Variants in AGBL1 observed in about 807,000 individuals in gnomAD.
AGBL1 encodes the protein AGBL carboxypeptidase 1, also known as cytosolic carboxypeptidase 4.
AGBL1 carries 130 observed loss-of-function variants against 118.9 expected under a neutral mutation model. The observed-to-expected ratio is 1.09, with a 90% CI of 0.95 to 1.26. AGBL1 has a LOEUF of 1.26. Ranked by LOEUF, AGBL1 falls within the 50% of genes most tolerant of loss-of-function variation. The pLI is 0.00. For missense variants in AGBL1, 1,584 were observed against 1,298.1 expected (o/e 1.22, Z -3.38); for synonymous variants, 555 against 478.9 (o/e 1.16, Z -2.08).
At chr15:86,539,729 T>C (rs748313442) in intron 19 of AGBL1, among the ~76,000 whole-genome samples, 41 of 152,230 alleles carry the variant, frequency 2.7e-4, no homozygotes, top group Non-Finnish European at 5.6e-4. Flanking sequence ...GTAAGGTTCA[T>C]CTTATGTATA....
At chr15:86,446,595 G>C (rs990148609) in intron 18 of AGBL1, among the ~76,000 whole-genome samples, 3 of 152,042 alleles carry the variant, frequency 2.0e-5, no homozygotes, top group Non-Finnish European at 4.4e-5. Flanking sequence ...CATTTATATC[G>C]AATCTCTCTT....
chr15:86,670,475 GT>G (rs1364388494), intron 21 of AGBL1, among the ~76,000 whole-genome samples: 2 of 151,556 alleles, frequency 1.3e-5, no homozygotes, highest in African/African-American at 4.9e-5. Flanking sequence ...GTGGTGGCAG[GT>G]ATCTGTAATC....
chr15:86,425,265 CTT>C (rs1050082061), intron 18 of AGBL1, among the ~76,000 whole-genome samples: 1 of 152,064 alleles, frequency 6.6e-6, no homozygotes, highest in Non-Finnish European at 1.5e-5. Context: ...TGGAAACCAT[CTT>C]TCTCAGCAAA....
chr15:86,846,824 A>C (rs1013686183), intron 22 of AGBL1, among the ~76,000 whole-genome samples: 1 of 152,110 alleles, frequency 6.6e-6, no homozygotes, highest in Non-Finnish European at 1.5e-5. Context: ...GAGCCACCAC[A>C]CCCAGCCAAA....
intron 19 of AGBL1, among the ~76,000 whole-genome samples, chr15:86,534,089 G>T (rs865856692): frequency 9.0e-5 from 10 of 111,346 alleles, no homozygotes; most frequent in Admixed American, 6.1e-4. Context: ...ATGTGCACAT[G>T]TACCCTAAAA....
At chr15:86,357,605 T>C (rs1567215634) in intron 17 of AGBL1, among the ~76,000 whole-genome samples, 1 of 152,156 alleles carries the variant, frequency 6.6e-6, no homozygotes, top group South Asian at 2.1e-4. Flanking sequence ...AGTCCTCTCT[T>C]TTTCATTTCC....
intron 1 of AGBL1, among the ~76,000 whole-genome samples, chr15:86,103,645 C>T (rs1432693615): frequency 6.6e-6 from 1 of 152,142 alleles, no homozygotes; most frequent in African/African-American, 2.4e-5. Flanking sequence ...GTGATTTTCT[C>T]AGTGACTTAG....
intron 21 of AGBL1, among the ~76,000 whole-genome samples, chr15:86,555,746 AT>A (rs1343652408): frequency 1.3e-5 from 2 of 151,918 alleles, no homozygotes; most frequent in South Asian, 2.1e-4. Context: ...CTAGGAACCT[AT>A]TTTTTTTCAT....
intron 1 of AGBL1, among the ~76,000 whole-genome samples, chr15:86,140,448 C>T (rs1429083298): frequency 6.6e-6 from 1 of 151,990 alleles, no homozygotes; most frequent in Non-Finnish European, 1.5e-5. Flanking sequence ...CAGTTTGGTT[C>T]CATTCAACAA....
intron 22 of AGBL1, among the ~76,000 whole-genome samples, chr15:86,707,432 T>A (rs2086471654): frequency 6.6e-6 from 1 of 152,180 alleles, no homozygotes; most frequent in African/African-American, 2.4e-5. Flanking sequence ...AGCTTGGCTC[T>A]GTTTTTGTTT....
chr15:86,165,650 C>T lies in AGBL1; in HGVS notation c.488+6624C>T, dbSNP rs192882373. ...TTAATTCCCTCCCAGCCCCAACTAACGGCTTCATGATTCCCCATTCAACAT... is the reference window on the plus strand; with the variant it reads ...TTAATTCCCTCCCAGCCCCAACTAATGGCTTCATGATTCCCCATTCAACAT... On this transcript the variant is annotated intron_variant, in intron 5 of 22. Transcript: ENST00000614907. 1.1e-4 allele frequency among the ~76,000 whole-genome samples: 16 copies of T among 152,252 alleles called. 2 individuals are homozygous for T. The highest frequency in any genetic ancestry group is 4.1e-4 in the South Asian group (2 of 4,820).
chr15:86,848,310 G>T (rs1194003730), intron 22 of AGBL1, among the ~76,000 whole-genome samples: 1 of 151,964 alleles, frequency 6.6e-6, no homozygotes, highest in Non-Finnish European at 1.5e-5. Context: ...TTCTAATTTT[G>T]TAGCTGATTT....
At chr15:86,931,188 A>C (rs2080598955) in intron 23 of AGBL1, among the ~76,000 whole-genome samples, 1 of 152,248 alleles carries the variant, frequency 6.6e-6, no homozygotes, top group Non-Finnish European at 1.5e-5. Flanking sequence ...AAATCTTTGA[A>C]TCTACTTATG....
intron 22 of AGBL1, among the ~76,000 whole-genome samples, chr15:86,856,402 C>T (rs754800230): frequency 3.9e-5 from 6 of 152,194 alleles, no homozygotes; most frequent in Non-Finnish European, 8.8e-5. Flanking sequence ...AAAACCTTAT[C>T]TACATTTTAT....
intron 18 of AGBL1, among the ~76,000 whole-genome samples, chr15:86,479,856 C>G (rs1464709695): frequency 6.6e-6 from 1 of 152,092 alleles, no homozygotes; most frequent in Non-Finnish European, 1.5e-5. Flanking sequence ...AAATGATAGA[C>G]TGGATTAAGA....
intron 5 of AGBL1, among the ~76,000 whole-genome samples, chr15:86,177,588 T>C (rs1035560688): frequency 6.6e-6 from 1 of 152,204 alleles, no homozygotes; most frequent in Non-Finnish European, 1.5e-5. Flanking sequence ...TCAAATGATA[T>C]TGAGTATGTT....
intron 17 of AGBL1, among the ~76,000 whole-genome samples, chr15:86,395,361 A>AAAT (rs564841674): frequency 3.3e-3 from 505 of 152,172 alleles, no homozygotes; most frequent in African/African-American, 0.011. Flanking sequence ...TCCATCTGGT[A>AAAT]AATAATACTT....
chr15:86,342,022 G>T (rs1320108530), intron 17 of AGBL1, among the ~76,000 whole-genome samples: 1 of 152,170 alleles, frequency 6.6e-6, no homozygotes, highest in Non-Finnish European at 1.5e-5. Flanking sequence ...TTTGTGAAAA[G>T]CAGTGGGCTA....
intron 22 of AGBL1, among the ~76,000 whole-genome samples, chr15:86,829,197 A>G (rs1459381957): frequency 6.6e-6 from 1 of 152,096 alleles, no homozygotes; most frequent in Non-Finnish European, 1.5e-5. Context: ...AAAGTTAAGG[A>G]TAAGTTGTTA....
Sources: gnomAD v4.1 joint callset for allele counts (sites outside exome capture counted in the v4.1 genomes callset) on GRCh38, gnomAD v4.1.1 for gene constraint, MANE v1.5 for transcripts, NCBI Gene and HGNC (gene_info 2026-07-23, HGNC 2026-07-21) for gene names.